Variants in DAB1 observed in about 807,000 individuals in gnomAD.
DAB1 encodes the protein DAB adaptor protein 1.
A neutral mutation model predicts 64.6 loss-of-function variants in DAB1; 15 were observed. The observed-to-expected ratio is 0.23, with a 90% CI of 0.16 to 0.36. DAB1 has a LOEUF of 0.36. DAB1 is among the 10% of genes least tolerant of loss of function. The pLI, the probability that DAB1 is intolerant of heterozygous loss-of-function variation, is 1.00. For missense variants in DAB1, 596 were observed against 706.7 expected, an observed-to-expected ratio of 0.84 and a Z score of 1.78; for synonymous variants, 235 against 251.9, an observed-to-expected ratio of 0.93 and a Z score of 0.64.
chr1:57,490,314 C>T lies in DAB1; in HGVS notation n.625+159278G>A, dbSNP rs79501463. On this transcript the variant is annotated intron_variant and non_coding_transcript_variant, in intron 7 of 20. Transcript: ENST00000485760. ...AGAAGACCTAGGCTTTGGGTAGGTTCGGTGACCACTTCAAGGTTAGCTTCT... is the reference window on the plus strand; with the variant it reads ...AGAAGACCTAGGCTTTGGGTAGGTTTGGTGACCACTTCAAGGTTAGCTTCT... Among the ~76,000 whole-genome samples, 1,206 of 152,150 alleles carry T rather than the reference C, an allele frequency of 7.9e-3. 48 individuals carry two copies. In the East Asian group the frequency reaches 0.14, roughly 18 times the overall value.
chr1:58,499,512 A>G (rs1645867084), intron 3 of DAB1, among the ~76,000 whole-genome samples: 1 of 151,940 alleles, frequency 6.6e-6, no homozygotes, highest in African/African-American at 2.4e-5. Flanking sequence ...ATAGATAAAT[A>G]GATAGATAGA....
intron 7 of DAB1, among the ~76,000 whole-genome samples, chr1:57,629,651 T>G (rs572098946): frequency 1.3e-5 from 2 of 151,926 alleles, no homozygotes; most frequent in East Asian, 3.9e-4. Flanking sequence ...GAGAAACTCA[T>G]GTCAAGAGCC....
At chr1:57,920,682 A>G (rs549427613) in intron 5 of DAB1, among the ~76,000 whole-genome samples, 49 of 152,292 alleles carry the variant, frequency 3.2e-4, no homozygotes, top group Middle Eastern at 3.4e-3. Flanking sequence ...CCTCATGTAC[A>G]AAATACCTAC....
chr1:57,619,401 AT>A (rs1292625957), intron 7 of DAB1, among the ~76,000 whole-genome samples: 1 of 152,014 alleles, frequency 6.6e-6, no homozygotes, highest in Non-Finnish European at 1.5e-5. Flanking sequence ...TAAGTCATCT[AT>A]TTATTTTTTA....
At chr1:57,261,961 C>A (rs1570092933) in intron 2 of DAB1, among the ~76,000 whole-genome samples, 2 of 152,046 alleles carry the variant, frequency 1.3e-5, no homozygotes, top group East Asian at 3.9e-4. Flanking sequence ...CTGCACTGGG[C>A]CAATGAAAAT....
intron 4 of DAB1, among the ~76,000 whole-genome samples, chr1:58,316,058 T>A (rs553022576): frequency 6.6e-6 from 1 of 152,358 alleles, no homozygotes; most frequent in African/African-American, 2.4e-5. Context: ...CCTGTGGCCA[T>A]ATGCAAGTAG....
At chr1:57,809,803 T>C (rs575685724) in intron 6 of DAB1, among the ~76,000 whole-genome samples, 1 of 152,234 alleles carries the variant, frequency 6.6e-6, no homozygotes, top group African/African-American at 2.4e-5. Flanking sequence ...AAAGAGAAAA[T>C]TAACCTGACC....
intron 6 of DAB1, among the ~76,000 whole-genome samples, chr1:57,705,319 T>C (rs1281656562): frequency 6.6e-6 from 1 of 152,174 alleles, no homozygotes; most frequent in Non-Finnish European, 1.5e-5. Context: ...ATCCTCATAG[T>C]TTAGGTAAGT....
chr1:57,638,132 T>C (rs1408844705), intron 7 of DAB1, among the ~76,000 whole-genome samples: 1 of 152,224 alleles, frequency 6.6e-6, no homozygotes, highest in Admixed American at 6.5e-5. Context: ...GGGATGATGG[T>C]TATTTTTTGT....
chr1:58,543,828 C>G (rs1039968008), intron 1 of DAB1, among the ~76,000 whole-genome samples: 1 of 152,176 alleles, frequency 6.6e-6, no homozygotes, highest in Non-Finnish European at 1.5e-5. Flanking sequence ...AAGCACCATA[C>G]AACAGACCTT....
chr1:58,499,843 C>T (rs1645877795), intron 3 of DAB1, among the ~76,000 whole-genome samples: 1 of 151,480 alleles, frequency 6.6e-6, no homozygotes, highest in Non-Finnish European at 1.5e-5. Context: ...TATTTATTCC[C>T]AGTAACAACT....
intron 4 of DAB1, among the ~76,000 whole-genome samples, chr1:58,194,258 C>T (rs983938359): frequency 6.6e-6 from 1 of 152,228 alleles, no homozygotes; most frequent in African/African-American, 2.4e-5. Context: ...GACTCCAGCA[C>T]TGTTTACCTA....
chr1:58,009,156 A>AT, intron 5 of DAB1, among the ~76,000 whole-genome samples: 1 of 152,300 alleles, frequency 6.6e-6, no homozygotes, highest in East Asian at 1.9e-4. Context: ...GGTATATAGC[A>AT]TTACCCCACT....
At chr1:58,525,115 G>A (rs180758845) in intron 2 of DAB1, among the ~76,000 whole-genome samples, 102 of 152,180 alleles carry the variant, frequency 6.7e-4, no homozygotes, top group African/African-American at 2.3e-3. Flanking sequence ...GTAGGCACAC[G>A]TTTTGATAAA....
intron 3 of DAB1, among the ~76,000 whole-genome samples, chr1:58,438,047 G>A (rs554829918): frequency 1.3e-5 from 2 of 152,272 alleles, no homozygotes; most frequent in African/African-American, 2.4e-5. Flanking sequence ...CAGAGATGAG[G>A]AGAGAGAAAG....
Position 57,630,486 on chromosome 1 carries a change from C to A in DAB1, n.625+19106G>T, listed in dbSNP as rs1645976593. On this transcript the variant is annotated intron_variant and non_coding_transcript_variant, in intron 7 of 20. Coordinates refer to the DAB1 transcript ENST00000485760. ...TTATTTGTTTCACCCTAAGGGTAGA[C>A]AACATGGGGTCTATTTATATAAAAG... Among the ~76,000 whole-genome samples the A allele has an allele frequency of 2.0e-5, 3 of 152,266 alleles. No individual in the cohort carries two copies. In the South Asian group the frequency reaches 6.2e-4, roughly 32 times the overall value.
At chr1:57,430,927 T>C (rs1369175886) in intron 7 of DAB1, among the ~76,000 whole-genome samples, 2 of 149,814 alleles carry the variant, frequency 1.3e-5, no homozygotes, top group South Asian at 4.2e-4. Flanking sequence ...AAAAAACTTG[T>C]CCTGAAACAA....
intron 1 of DAB1, among the ~76,000 whole-genome samples, chr1:57,838,117 G>T (rs1284527765): frequency 6.6e-6 from 1 of 152,050 alleles, no homozygotes; most frequent in Non-Finnish European, 1.5e-5. Context: ...AGACTCTTAA[G>T]TATTATTCCC....
At chr1:57,799,358 A>G (rs1039644120) in intron 6 of DAB1, among the ~76,000 whole-genome samples, 8 of 152,098 alleles carry the variant, frequency 5.3e-5, no homozygotes, top group Non-Finnish European at 1.2e-4. Context: ...ACTTCTTTCT[A>G]TACTAGGTAA....
Sources: gnomAD v4.1 joint callset for allele counts (sites outside exome capture counted in the v4.1 genomes callset) on GRCh38, gnomAD v4.1.1 for gene constraint, MANE v1.5 for transcripts, NCBI Gene and HGNC (gene_info 2026-07-23, HGNC 2026-07-21) for gene names.